COL10A1: variants seen among roughly 807,000 people sequenced by gnomAD.
The protein encoded by COL10A1 is collagen type X alpha 1 chain, also known as collagen alpha-1(X) chain.
Under a neutral mutation model 18.2 loss-of-function variants are expected in COL10A1, and 10 were observed. That is an observed-to-expected ratio of 0.55 (90% CI 0.34 to 0.93). The LOEUF is 0.93. Among genes scored for constraint, COL10A1 ranks in the 40% least tolerant of loss-of-function variants. The pLI, the probability that COL10A1 is intolerant of heterozygous loss-of-function variation, is 0.02. For missense variants in COL10A1, 897 were observed against 853.5 expected, an observed-to-expected ratio of 1.05 and a Z score of -0.64; for synonymous variants, 330 against 316.6, an observed-to-expected ratio of 1.04 and a Z score of -0.45.
chr6:116,132,994 A>AT (rs1437236086), intron 1 of COL10A1, among the ~76,000 whole-genome samples: 5 of 152,224 alleles, frequency 3.3e-5, no homozygotes, highest in Non-Finnish European at 7.3e-5. Flanking sequence ...AAATTCATGC[A>AT]TAAAAACAGG....
the COL10A1 span, among the ~76,000 whole-genome samples, chr6:116,178,057 G>GTGTT: frequency 1.4e-5 from 1 of 71,740 alleles, no homozygotes; most frequent in Non-Finnish European, 2.5e-5. Flanking sequence ...AGGAAAGTGT[G>GTGTT]TGTGTGTGTG....
At chr6:116,174,386 C>A in the COL10A1 span, among the ~76,000 whole-genome samples, 1 of 152,170 alleles carries the variant, frequency 6.6e-6, no homozygotes, top group Non-Finnish European at 1.5e-5. Context: ...ACTAATAGGT[C>A]TGTTCAGCAG....
chr6:116,121,933 A>G lies in COL10A1; in HGVS notation c.183T>C (p.Thr61=). The G allele has an allele frequency of 1.2e-6, 2 of 1,613,430 alleles. No homozygotes were observed. Among genetic ancestry groups the G allele is most frequent in the Non-Finnish European group, 1.7e-6 (2 of 1,179,978 alleles). ...KGIAVRGEQG[T]PGPPGPAGPR... ...GTCCAGCAGGGCCTGGTGGACCAGG[A>G]GTACCTTGCTCTCCTCTTACTGCTA... Residue 61 remains threonine, a synonymous_variant, in exon 3 of 3, where the codon ACT becomes ACC. Transcript: ENST00000651968.
chr6:116,212,437 G>T, the COL10A1 span, among the ~76,000 whole-genome samples: 1 of 152,118 alleles, frequency 6.6e-6, no homozygotes, highest in South Asian at 2.1e-4. Context: ...CATTGAACAA[G>T]TAATCCTTTG....
In COL10A1 at chr6:116,121,758, T is replaced by G. The variant is rs1399599495; in HGVS notation, c.358A>C (p.Arg120=). Residue 120 remains arginine, a synonymous_variant, in exon 3 of 3, where the codon AGA becomes CGA. Transcript: ENST00000651968. ...TCTCCTTTTGGTCCATATGGTCCTCTCTCTCCTGGTTTTCCTGGGAGTCCT... is the reference window on the plus strand; with the variant it reads ...TCTCCTTTTGGTCCATATGGTCCTCGCTCTCCTGGTTTTCCTGGGAGTCCT... ...VPGLPGKPGE[R]GPYGPKGDVG... is the part of the protein sequence containing the mutation. 6.2e-7 allele frequency: 1 copy of G among 1,613,584 alleles called. No individual in the cohort carries two copies. Among genetic ancestry groups the G allele is most frequent in the East Asian group, 2.2e-5 (1 of 44,840 alleles).
the COL10A1 span, among the ~76,000 whole-genome samples, chr6:116,192,884 G>A: frequency 6.6e-6 from 1 of 151,976 alleles, no homozygotes; most frequent in Non-Finnish European, 1.5e-5. Context: ...GCTTTCTCAC[G>A]TTGCATCTTC....
upstream of COL10A1, among the ~76,000 whole-genome samples, chr6:116,160,388 ATGTT>A (rs1175032455): frequency 6.6e-6 from 1 of 151,880 alleles, no homozygotes; most frequent in African/African-American, 2.4e-5. Context: ...CATTTTCCAT[ATGTT>A]TGTTGGTCAC....
At chr6:116,178,108 T>TGTGTGTGCGCGCGCGC in the COL10A1 span, among the ~76,000 whole-genome samples, 1 of 107,256 alleles carries the variant, frequency 9.3e-6, no homozygotes, top group Non-Finnish European at 2.2e-5. Flanking sequence ...CGCGCGTGCG[T>TGTGTGTGCGCGCGCGC]GCGTGTGTGT....
the COL10A1 span, among the ~76,000 whole-genome samples, chr6:116,172,303 T>A: frequency 6.7e-6 from 1 of 149,842 alleles, no homozygotes; most frequent in Non-Finnish European, 1.5e-5. Flanking sequence ...CATTTTAGTA[T>A]AACCCCTTAG....
chr6:116,164,404 A>G, the COL10A1 span, among the ~76,000 whole-genome samples: 1 of 151,922 alleles, frequency 6.6e-6, no homozygotes, highest in African/African-American at 2.4e-5. Flanking sequence ...AAGAATAGCA[A>G]CCCCTGGTCT....
chr6:116,213,219 G>A, the COL10A1 span, among the ~76,000 whole-genome samples: 1 of 152,030 alleles, frequency 6.6e-6, no homozygotes. Flanking sequence ...GATGTCAGTG[G>A]GGACAGTAGT....
chr6:116,135,873 A>ATATATATATG (rs1491111454), intron 1 of COL10A1, among the ~76,000 whole-genome samples: 2 of 62,180 alleles, frequency 3.2e-5, no homozygotes, highest in East Asian at 2.3e-4. Flanking sequence ...ATATATATAT[A>ATATATATATG]CACACATACA....
Position 116,121,727 on chromosome 6 carries a change from C to T in COL10A1, c.389G>A (p.Gly130Glu). ...RGPYGPKGDV[G>E]PAGLPGPRGP... Reference sequence around the variant, plus strand: ...CCGGGGTCCTGGTAGGCCAGCTGGTCCAACATCTCCTTTTGGTCCATATGG... The same window carrying T: ...CCGGGGTCCTGGTAGGCCAGCTGGTTCAACATCTCCTTTTGGTCCATATGG... Residue 130 changes from glycine (G) to glutamate (E), a missense_variant, in exon 3 of 3, where the codon GGA becomes GAA. Physicochemically the swap from Gly to Glu is moderately conservative, Grantham distance 98. Coordinates refer to ENST00000651968, the MANE Select transcript of COL10A1 (RefSeq NM_000493.4). 6.2e-7 allele frequency: 1 copy of T among 1,614,016 alleles called. No homozygotes were observed. The highest frequency in any genetic ancestry group is 8.5e-7 in the Non-Finnish European group (1 of 1,179,994).
the COL10A1 span, among the ~76,000 whole-genome samples, chr6:116,164,150 C>A: frequency 6.6e-6 from 1 of 152,144 alleles, no homozygotes; most frequent in Non-Finnish European, 1.5e-5. Flanking sequence ...TGATAGTTTT[C>A]TCCTTCAGTG....
the COL10A1 span, among the ~76,000 whole-genome samples, chr6:116,184,923 G>A: frequency 6.6e-6 from 1 of 151,822 alleles, no homozygotes; most frequent in African/African-American, 2.4e-5. Context: ...CTGGGTTTGG[G>A]TTTGGTTTGT....
the COL10A1 span, among the ~76,000 whole-genome samples, chr6:116,184,214 A>G: frequency 2.3e-3 from 345 of 152,112 alleles, 2 homozygotes; most frequent in African/African-American, 8.1e-3. Context: ...ATTGACTTGC[A>G]TATGTCAAAC....
the COL10A1 span, among the ~76,000 whole-genome samples, chr6:116,165,370 T>C: frequency 6.6e-6 from 1 of 152,230 alleles, no homozygotes; most frequent in Non-Finnish European, 1.5e-5. Flanking sequence ...TCCACATGGA[T>C]TTCTATATCT....
the COL10A1 span, among the ~76,000 whole-genome samples, chr6:116,189,849 T>G: frequency 6.6e-6 from 1 of 152,048 alleles, no homozygotes; most frequent in Non-Finnish European, 1.5e-5. Flanking sequence ...AGCTAAATGC[T>G]TCCGTTCAGG....
intron 1 of COL10A1, among the ~76,000 whole-genome samples, chr6:116,140,847 C>T (rs1278387241): frequency 6.6e-6 from 1 of 152,070 alleles, no homozygotes; most frequent in Admixed American, 6.6e-5. Context: ...CTGTAGTTTA[C>T]AATGGTGTGA....
Sources: gnomAD v4.1 joint callset for allele counts (sites outside exome capture counted in the v4.1 genomes callset) on GRCh38, gnomAD v4.1.1 for gene constraint, MANE v1.5 for transcripts, NCBI Gene and HGNC (gene_info 2026-07-23, HGNC 2026-07-21) for gene names.